ZNF469: variants seen among roughly 807,000 people sequenced by gnomAD.
ZNF469 encodes zinc finger protein 469.
Under a neutral mutation model 1.0 loss-of-function variants are expected in ZNF469, and 1 was observed. The observed-to-expected ratio is 1.00, with a 90% confidence interval of 0.35 to 4.73. The LOEUF (loss-of-function observed/expected upper bound fraction) is 4.73. ZNF469 is among the 30% of genes most tolerant of loss of function. ZNF469 has a pLI of 0.16. For synonymous variants in ZNF469, 2,703 were observed against 2,363.4 expected (o/e 1.14, Z -4.17); for missense variants, 6,100 against 5,356.3 (o/e 1.14, Z -4.33).
At chr16:88,109,489 A>T in the ZNF469 span, among the ~76,000 whole-genome samples, 47 of 145,858 alleles carry the variant, frequency 3.2e-4, no homozygotes, top group African/African-American at 1.2e-3. Context: ...TCTCCTCTCC[A>T]GGATCAGGAG....
the ZNF469 span, among the ~76,000 whole-genome samples, chr16:88,355,954 G>T: frequency 6.6e-6 from 1 of 152,146 alleles, no homozygotes; most frequent in South Asian, 2.1e-4. Context: ...ACAGAAGGGG[G>T]TTTTAAAGCC....
chr16:88,116,323 G>A, the ZNF469 span, among the ~76,000 whole-genome samples: 2 of 152,184 alleles, frequency 1.3e-5, no homozygotes, highest in Non-Finnish European at 2.9e-5. Context: ...ATGTTGCGGT[G>A]TAGACACAGG....
At chr16:88,331,560 TCACCATCAC>T in the ZNF469 span, among the ~76,000 whole-genome samples, 1 of 145,326 alleles carries the variant, frequency 6.9e-6, no homozygotes, top group Non-Finnish European at 1.5e-5. Context: ...ACCATCGTCA[TCACCATCAC>T]CACCACCACC....
chr16:88,356,585 C>T, the ZNF469 span, among the ~76,000 whole-genome samples: 11 of 152,254 alleles, frequency 7.2e-5, no homozygotes, highest in African/African-American at 2.4e-4. Flanking sequence ...CCTATCATCA[C>T]TGTTAACATC....
chr16:88,372,563 C>T, the ZNF469 span, among the ~76,000 whole-genome samples: 3 of 151,808 alleles, frequency 2.0e-5, no homozygotes, highest in African/African-American at 4.8e-5. Flanking sequence ...ACCATCTTCA[C>T]CATCATCACC....
the ZNF469 span, among the ~76,000 whole-genome samples, chr16:88,125,783 T>C: frequency 6.6e-6 from 1 of 152,256 alleles, no homozygotes; most frequent in Non-Finnish European, 1.5e-5. Context: ...CAAATGGTAT[T>C]TTTTAAAAAT....
At chr16:88,402,404 G>A (rs924739835) in intron 1 of ZNF469, among the ~76,000 whole-genome samples, 10 of 152,172 alleles carry the variant, frequency 6.6e-5, no homozygotes, top group African/African-American at 2.2e-4. Context: ...TAGCACCATG[G>A]CTGGACCATG....
chr16:88,117,192 G>A, the ZNF469 span, among the ~76,000 whole-genome samples: 3 of 49,848 alleles, frequency 6.0e-5, no homozygotes, highest in South Asian at 7.5e-4. Flanking sequence ...GGCCGGGGAT[G>A]TGTGAGGGCC....
rs1023475324 is a variant in ZNF469, at chr16:88,429,719, G to A, written c.2249G>A (p.Arg750Gln). ...AGCCTGGCGGCCTTCCTGGCCCACC[G>A]GCAGTTCTGTGGCCTGCTCCTGGCC... is the stretch of plus-strand genomic sequence containing the variant. ...YSSLAAFLAH[R>Q]QFCGLLLARA... The change falls in exon 3 of 3, where the codon CGG becomes CAG. Residue 750 changes from arginine to glutamine, a missense_variant. Coordinates refer to ENST00000565624, the MANE Select transcript of ZNF469 (RefSeq NM_001367624.2). 8.4e-6 allele frequency: 13 copies of A among 1,543,424 alleles called. No individual in the cohort carries two copies. The highest frequency in any genetic ancestry group is 7.1e-5 in the South Asian group (6 of 83,942).
the ZNF469 span, among the ~76,000 whole-genome samples, chr16:88,239,705 A>T: frequency 5.1e-4 from 3 of 5,850 alleles, no homozygotes; most frequent in African/African-American, 3.4e-3. Flanking sequence ...ATATATATAT[A>T]TATATATATA....
chr16:88,331,134 A>G, the ZNF469 span, among the ~76,000 whole-genome samples: 8 of 151,064 alleles, frequency 5.3e-5, no homozygotes, highest in Non-Finnish European at 8.9e-5. Context: ...CATCGTCACC[A>G]TCACCATCAC....
chr16:88,363,289 A>G, the ZNF469 span, among the ~76,000 whole-genome samples: 1 of 152,184 alleles, frequency 6.6e-6, no homozygotes, highest in African/African-American at 2.4e-5. Context: ...CATGTCAGGT[A>G]ATTTCAGATT....
chr16:88,294,364 AC>A, the ZNF469 span, among the ~76,000 whole-genome samples: 12 of 152,114 alleles, frequency 7.9e-5, no homozygotes, highest in African/African-American at 2.7e-4. Context: ...TTCCACAAAT[AC>A]CTGCCTAGTG....
At chr16:88,303,892 ACACT>A in the ZNF469 span, among the ~76,000 whole-genome samples, 1 of 152,170 alleles carries the variant, frequency 6.6e-6, no homozygotes, top group Non-Finnish European at 1.5e-5. Context: ...TCAGTGCCAC[ACACT>A]CAGTGCCACT....
chr16:88,297,203 G>A, the ZNF469 span, among the ~76,000 whole-genome samples: 1 of 152,206 alleles, frequency 6.6e-6, no homozygotes, highest in East Asian at 1.9e-4. Context: ...GTGGCGATGG[G>A]AGATTGGGAC....
At chr16:88,357,789 G>A in the ZNF469 span, among the ~76,000 whole-genome samples, 4 of 152,358 alleles carry the variant, frequency 2.6e-5, no homozygotes, top group Middle Eastern at 3.4e-3. Flanking sequence ...TGCAGCATGC[G>A]CTCACTGCCT....
the ZNF469 span, among the ~76,000 whole-genome samples, chr16:88,243,952 A>ATAT: frequency 1.7e-5 from 2 of 121,204 alleles, no homozygotes; most frequent in East Asian, 2.6e-4. Context: ...ATATATATAT[A>ATAT]AATGTATGTG....
the ZNF469 span, among the ~76,000 whole-genome samples, chr16:88,116,078 T>C: frequency 1.1e-4 from 17 of 152,292 alleles, no homozygotes; most frequent in African/African-American, 3.9e-4. Context: ...CTAACACACA[T>C]GCCCGACTAG....
At chr16:88,272,104 T>G in the ZNF469 span, among the ~76,000 whole-genome samples, 2 of 149,502 alleles carry the variant, frequency 1.3e-5, no homozygotes, top group Non-Finnish European at 3.0e-5. Context: ...AATAGATGAG[T>G]GGGTAGATGG....
Sources: allele counts gnomAD v4.1 joint callset (sites outside exome capture counted in the v4.1 genomes callset), GRCh38; gene constraint gnomAD v4.1.1; transcripts MANE v1.5; gene names NCBI Gene and HGNC (gene_info 2026-07-23, HGNC 2026-07-21).